SYNDIG1: variants seen among roughly 807,000 people sequenced by gnomAD.
SYNDIG1 encodes the protein synapse differentiation-inducing gene protein 1.
A neutral mutation model predicts 19.4 loss-of-function variants in SYNDIG1; 9 were observed. The ratio of observed to expected loss-of-function variants is 0.46; its 90% CI spans 0.28 to 0.81. SYNDIG1 has a LOEUF of 0.81. SYNDIG1 is among the 30% of genes least tolerant of loss of function. SYNDIG1 has a pLI of 0.12. For synonymous variants in SYNDIG1, 141 were observed against 145.9 expected, an observed-to-expected ratio of 0.97 and a Z score of 0.24; for missense variants, 311 against 343.3, an observed-to-expected ratio of 0.91 and a Z score of 0.74.
chr20:24,553,865 T>A (rs2057757733), intron 2 of SYNDIG1, among the ~76,000 whole-genome samples: 1 of 152,236 alleles, frequency 6.6e-6, no homozygotes, highest in Non-Finnish European at 1.5e-5. Context: ...GGTAGCTTGA[T>A]GGAGATGCCA....
chr20:24,489,413 A>T (rs1161305718), intron 1 of SYNDIG1, among the ~76,000 whole-genome samples: 1 of 152,056 alleles, frequency 6.6e-6, no homozygotes, highest in Non-Finnish European at 1.5e-5. Context: ...GCACACAGAC[A>T]CATGGACACA....
At chr20:24,623,891 A>C (rs2059077766) in intron 3 of SYNDIG1, among the ~76,000 whole-genome samples, 1 of 152,222 alleles carries the variant, frequency 6.6e-6, no homozygotes, top group African/African-American at 2.4e-5. Flanking sequence ...CAAAGATGGC[A>C]ACCATTAATC....
At chr20:24,519,650 C>T (rs1364586427) in intron 1 of SYNDIG1, among the ~76,000 whole-genome samples, 1 of 152,170 alleles carries the variant, frequency 6.6e-6, no homozygotes, top group Non-Finnish European at 1.5e-5. Context: ...AGTTCTCTAC[C>T]ACGTGCCTTT....
At chr20:24,524,520 C>T (rs2086919328) in intron 1 of SYNDIG1, among the ~76,000 whole-genome samples, 1 of 152,042 alleles carries the variant, frequency 6.6e-6, no homozygotes, top group African/African-American at 2.4e-5. Context: ...TGGCGGGCGC[C>T]TGTAGTCCCA....
chr20:24,498,008 G>T (rs1009238506), intron 1 of SYNDIG1, among the ~76,000 whole-genome samples: 3 of 152,226 alleles, frequency 2.0e-5, no homozygotes, highest in African/African-American at 7.2e-5. Flanking sequence ...ATCAGCCAAA[G>T]GCCTGGGCAG....
intron 2 of SYNDIG1, among the ~76,000 whole-genome samples, chr20:24,547,366 AG>A (rs1454726443): frequency 1.3e-5 from 2 of 152,238 alleles, no homozygotes; most frequent in Non-Finnish European, 1.5e-5. Flanking sequence ...AGGTTGTGGT[AG>A]TAACAAGAAC....
At chr20:24,489,517 A>G (rs1386030069) in intron 1 of SYNDIG1, among the ~76,000 whole-genome samples, 1 of 151,782 alleles carries the variant, frequency 6.6e-6, no homozygotes, top group Non-Finnish European at 1.5e-5. Context: ...AGATACATGC[A>G]CACACACGTA....
In SYNDIG1 at chr20:24,637,676, G is replaced by A. The variant is rs74434737; in HGVS notation, c.619-27670G>A. 3.3e-5 allele frequency among the ~76,000 whole-genome samples: 5 copies of A among 152,348 alleles called. No homozygotes were observed. The East Asian group carries it at 7.7e-4, about 24-fold the overall frequency. On this transcript the variant is annotated intron_variant, in intron 3 of 3. Transcript: ENST00000376862. Reference sequence around the variant, plus strand: ...GGAAGGTGATGCCAGAAACAGAACAGGCAAAGAGCAGAGCAGGTGCTCTGC... The same window carrying A: ...GGAAGGTGATGCCAGAAACAGAACAAGCAAAGAGCAGAGCAGGTGCTCTGC...
Position 24,543,478 on chromosome 20 carries a change from G to A in SYNDIG1, c.381G>A (p.Glu127=), listed in dbSNP as rs374487877. Residue 127 remains glutamate (E), a synonymous_variant, in exon 2 of 4, where the codon GAG becomes GAA. Transcript: ENST00000376862. ...EDRSPTKDSL[E]YPDGKFIDLS... Reference sequence around the variant, plus strand: ...GGTCGCCCACCAAAGACAGCCTCGAGTACCCGGATGGGAAGTTCATTGACC... The same window carrying A: ...GGTCGCCCACCAAAGACAGCCTCGAATACCCGGATGGGAAGTTCATTGACC... 2.5e-6 allele frequency: 4 copies of A among 1,613,120 alleles called. No homozygotes were observed. In the African/African-American group the frequency reaches 4.0e-5, roughly 16 times the overall value.
At chr20:24,500,050 A>G (rs2056401006) in intron 1 of SYNDIG1, among the ~76,000 whole-genome samples, 1 of 152,132 alleles carries the variant, frequency 6.6e-6, no homozygotes, top group African/African-American at 2.4e-5. Flanking sequence ...AAGGGAACCC[A>G]AAAAAGGCCA....
chr20:24,493,872 C>G (rs1476217616), intron 1 of SYNDIG1, among the ~76,000 whole-genome samples: 1 of 152,148 alleles, frequency 6.6e-6, no homozygotes, highest in African/African-American at 2.4e-5. Context: ...CCCGGCTGGC[C>G]AAGCTCAGTA....
intron 3 of SYNDIG1, 60 bp from the exon 4 acceptor site, chr20:24,665,286 C>T: frequency 6.5e-7 from 1 of 1,547,044 alleles, no homozygotes; most frequent in Non-Finnish European, 8.7e-7. Flanking sequence ...ATGAGCCCTC[C>T]ACTCACTGCT....
intron 1 of SYNDIG1, among the ~76,000 whole-genome samples, chr20:24,510,473 G>A (rs188843479): frequency 6.6e-6 from 1 of 151,404 alleles, no homozygotes; most frequent in African/African-American, 2.4e-5. Context: ...GGAGGCTGAG[G>A]CAGGAGAATC....
intron 1 of SYNDIG1, among the ~76,000 whole-genome samples, chr20:24,490,010 G>T (rs556659671): frequency 6.6e-6 from 1 of 152,212 alleles, no homozygotes; most frequent in East Asian, 1.9e-4. Context: ...CACCACATCT[G>T]CTCCCACAAA....
chr20:24,623,782 CAGT>C (rs2059075339), intron 3 of SYNDIG1, among the ~76,000 whole-genome samples: 1 of 151,956 alleles, frequency 6.6e-6, no homozygotes, highest in South Asian at 2.1e-4. Flanking sequence ...AATAATAAGT[CAGT>C]AGAGGAGATT....
intron 1 of SYNDIG1, among the ~76,000 whole-genome samples, chr20:24,486,935 G>A (rs2055982345): frequency 6.6e-6 from 1 of 152,190 alleles, no homozygotes; most frequent in Admixed American, 6.5e-5. Flanking sequence ...GGGATTACAG[G>A]TGTGAGCCGC....
chr20:24,516,109 C>A (rs544279370), intron 1 of SYNDIG1, among the ~76,000 whole-genome samples: 4 of 152,274 alleles, frequency 2.6e-5, no homozygotes, highest in South Asian at 4.2e-4. Context: ...TATTTAATAA[C>A]TGGTGCTGGG....
intron 2 of SYNDIG1, among the ~76,000 whole-genome samples, chr20:24,578,500 AG>A (rs1270137143): frequency 6.6e-6 from 1 of 152,052 alleles, no homozygotes; most frequent in African/African-American, 2.4e-5. Flanking sequence ...AGAGTCAGAA[AG>A]TAGACAAATC....
chr20:24,545,596 C>T (rs6114767), intron 2 of SYNDIG1, among the ~76,000 whole-genome samples: 3,401 of 152,132 alleles, frequency 0.022, 138 homozygotes, highest in African/African-American at 0.077. Flanking sequence ...AGCCCTCCCC[C>T]GGCTGAGTCT....
Sources: gnomAD v4.1 joint callset for allele counts (sites outside exome capture counted in the v4.1 genomes callset) on GRCh38, gnomAD v4.1.1 for gene constraint, MANE v1.5 for transcripts, NCBI Gene and HGNC (gene_info 2026-07-23, HGNC 2026-07-21) for gene names.